BCORL1: variants seen among roughly 807,000 people sequenced by gnomAD.
BCORL1 encodes BCL6 corepressor like 1.
BCORL1 carries 7 observed loss-of-function variants against 87.6 expected under a neutral mutation model. That is an observed-to-expected ratio of 0.08 (90% confidence interval 0.05 to 0.15). BCORL1 has a LOEUF of 0.15. BCORL1 is among the 10% of genes least tolerant of loss of function. BCORL1 has a pLI of 1.00. For synonymous variants in BCORL1, 591 were observed against 634.4 expected (o/e 0.93, Z 1.03); for missense variants, 1,215 against 1,499.7 (o/e 0.81, Z 3.13).
chrX:130,013,587 C>T lies in BCORL1; in HGVS notation c.815C>T (p.Ser272Leu), dbSNP rs1263318954. ...PPSVPTLISD[S>L]NPLSVSASVL... ...TCAGTGCCCACGCTCATCTCTGACTCGAACCCCCTTTCTGTTTCGGCCTCA... is the reference window on the plus strand; with the variant it reads ...TCAGTGCCCACGCTCATCTCTGACTTGAACCCCCTTTCTGTTTCGGCCTCA... Residue 272 changes from serine to leucine, a missense_variant, in exon 4 of 14, where the codon TCG becomes TTG. This residue lies in a region of BCORL1 where 861 missense variants were observed against 1,010.0 expected (regional missense o/e 0.85). Coordinates refer to ENST00000540052, the MANE Select transcript of BCORL1 (RefSeq NM_001379451.1). 2.5e-6 allele frequency: 3 copies of T among 1,211,329 alleles called. No individual in the cohort carries two copies. The highest frequency in any genetic ancestry group is 1.8e-5 in the South Asian group (1 of 56,911).
At chrX:129,981,935 A>T (rs1309069258), upstream of BCORL1, among the ~76,000 whole-genome samples, 1 of 24,094 alleles carries the variant, frequency 4.2e-5, no homozygotes, top group Non-Finnish European at 7.5e-5. Flanking sequence ...TGGGGGGGGG[A>T]GCGGGAAGAA....
chrX:129,986,098 G>T (rs781005188), intron 1 of BCORL1, among the ~76,000 whole-genome samples: 1 of 111,655 alleles, frequency 9.0e-6, no homozygotes, highest in African/African-American at 3.3e-5. Context: ...TGATCCATCC[G>T]GCCCAGTTTA....
intron 9 of BCORL1, among the ~76,000 whole-genome samples, chrX:130,037,015 G>A (rs917870653): frequency 1.8e-5 from 2 of 110,992 alleles, no homozygotes; most frequent in Non-Finnish European, 1.9e-5. Context: ...GCGTGGTGGC[G>A]TGCGCCTGTA....
At chrX:130,026,038 C>T (rs940819171) in intron 7 of BCORL1, among the ~76,000 whole-genome samples, 2 of 111,617 alleles carry the variant, frequency 1.8e-5, no homozygotes, top group Admixed American at 9.5e-5. Flanking sequence ...TATACCATTC[C>T]GGAGGCACAG....
At chrX:129,995,516 C>T (rs947226531) in intron 1 of BCORL1, among the ~76,000 whole-genome samples, 2 of 111,501 alleles carry the variant, frequency 1.8e-5, no homozygotes, top group Non-Finnish European at 3.8e-5. Context: ...TCTTGGCTCA[C>T]TGCAACCTTT....
At chrX:129,984,238 C>T (rs1214508871) in intron 1 of BCORL1, among the ~76,000 whole-genome samples, 22 of 105,894 alleles carry the variant, frequency 2.1e-4, no homozygotes, top group Non-Finnish European at 4.1e-4. Context: ...CCGCCGCCGC[C>T]GCCGCTTCTG....
At chrX:129,988,293 AT>A (rs1288597430) in intron 1 of BCORL1, among the ~76,000 whole-genome samples, 1 of 111,871 alleles carries the variant, frequency 8.9e-6, no homozygotes, top group Non-Finnish European at 1.9e-5. Flanking sequence ...CTTAAAAGCA[AT>A]CTTTTATGAT....
chrX:129,985,036 G>A (rs953382475), intron 1 of BCORL1, among the ~76,000 whole-genome samples: 2 of 111,085 alleles, frequency 1.8e-5, no homozygotes, highest in Non-Finnish European at 3.8e-5. Flanking sequence ...TGTTAAGGCA[G>A]TTTGGAGGTC....
rs1441285975 is a variant in BCORL1, at chrX:129,997,801, A to G, written c.-44-7387A>G. Among the ~76,000 whole-genome samples, 4 of 104,823 alleles carry G rather than the reference A, an allele frequency of 3.8e-5. No homozygotes were observed. The East Asian group carries it at 1.2e-3, about 31-fold the overall frequency. The allele number at this position is 104,823 out of a possible 115,157, so 91.0% of individuals were successfully genotyped here. On this transcript the variant is annotated intron_variant, in intron 1 of 13. Transcript: ENST00000540052. Reference sequence around the variant, plus strand: ...AGCGAGACTCCGACTCACCAAAAAAAAAAAAAAAAAAAAAAAGTTATTGCT... The same window carrying G: ...AGCGAGACTCCGACTCACCAAAAAAGAAAAAAAAAAAAAAAAGTTATTGCT...
At chrX:130,033,445 C>G (rs759058495) in intron 8 of BCORL1, among the ~76,000 whole-genome samples, 1 of 112,354 alleles carries the variant, frequency 8.9e-6, no homozygotes, top group East Asian at 2.8e-4. Flanking sequence ...AGTTCATTAT[C>G]TCAAAGACCC....
At chrX:130,043,773 TATATATA>T (rs1441208516) in intron 11 of BCORL1, among the ~76,000 whole-genome samples, 4 of 23,304 alleles carry the variant, frequency 1.7e-4, no homozygotes, top group African/African-American at 1.1e-3. Flanking sequence ...TATATATATA[TATATATA>T]TATATTTTTT....
chrX:130,040,078 T>A (rs963326906), intron 11 of BCORL1, among the ~76,000 whole-genome samples: 10 of 112,471 alleles, frequency 8.9e-5, no homozygotes, highest in Non-Finnish European at 1.9e-4. Flanking sequence ...TGGCCCTTGC[T>A]CTAGCAGTGA....
intron 5 of BCORL1, 165 bp downstream of exon 5, chrX:130,021,315 C>T (rs1929791638): frequency 2.7e-6 from 2 of 752,057 alleles, no homozygotes; most frequent in Non-Finnish European, 1.6e-6. Context: ...CTAAGGTGAG[C>T]GAGCAAGGAT....
In BCORL1 at chrX:130,039,299, C is replaced by T. The variant is rs1351005048; in HGVS notation, c.4840+17C>T. 8.3e-7 allele frequency: 1 copy of T among 1,204,038 alleles called. No homozygotes were observed. The highest frequency in any genetic ancestry group is 1.7e-5 in the African/African-American group (1 of 57,334). On this transcript the variant is annotated intron_variant, in intron 11 of 13. Transcript: ENST00000540052. ...TTCTCAGTGGTAAGCATGGTCCAGA[C>T]TTGACACTGTTGTCCTTGGGGCCAG...
intron 2 of BCORL1, among the ~76,000 whole-genome samples, chrX:130,008,389 G>A (rs1408512364): frequency 9.1e-6 from 1 of 109,727 alleles, no homozygotes; most frequent in Admixed American, 9.8e-5. Flanking sequence ...TCAGCCTCCC[G>A]AGTAGCTGGG....
intron 3 of BCORL1, 73 bp from the exon 4 acceptor site, chrX:130,012,877 C>T (rs1929072776): frequency 1.7e-6 from 2 of 1,146,582 alleles, no homozygotes; most frequent in Admixed American, 2.6e-5. Flanking sequence ...CAGCAGTTGC[C>T]TCTCGGGCCT....
Position 130,043,749 on chromosome X carries a change from TA to T in BCORL1, c.4840+4468del, listed in dbSNP as rs1569388258. On this transcript the variant is annotated intron_variant, in intron 11 of 13. Transcript: ENST00000540052. ...GCCACCATGCCCAGCTAATTTGTTA[TA>T]TATATATATATATATATATATATAT... Among the ~76,000 whole-genome samples, 92 of 13,536 alleles carry T rather than the reference TA, an allele frequency of 6.8e-3. 9 individuals are homozygous for T. Among genetic ancestry groups the T allele is most frequent in the African/African-American group, 0.024 (86 of 3,562 alleles). 11.8% of individuals were successfully genotyped at this position (13,536 alleles called of 115,157 possible).
intron 2 of BCORL1, among the ~76,000 whole-genome samples, chrX:130,006,261 C>G (rs1372347294): frequency 9.0e-6 from 1 of 111,637 alleles, no homozygotes; most frequent in Admixed American, 9.5e-5. Flanking sequence ...TGATCATGCC[C>G]CATACCCAAA....
In BCORL1 at chrX:130,022,996, A is replaced by G; in HGVS notation, c.3688+19A>G. On this transcript the variant is annotated intron_variant, in intron 6 of 13. Coordinates refer to ENST00000540052, the MANE Select transcript of BCORL1 (RefSeq NM_001379451.1). Reference sequence around the variant, plus strand: ...CAGTCTGGTGAGTGAGACTAAGGTGATGGCCCCTCTCAGCATCTTCTATGA... The same window carrying G: ...CAGTCTGGTGAGTGAGACTAAGGTGGTGGCCCCTCTCAGCATCTTCTATGA... 1 of 1,157,424 alleles carries G rather than the reference A, an allele frequency of 8.6e-7. No homozygotes were observed. Among genetic ancestry groups the G allele is most frequent in the Non-Finnish European group, 1.2e-6 (1 of 846,354 alleles).
Sources: allele counts gnomAD v4.1 joint callset (sites outside exome capture counted in the v4.1 genomes callset), GRCh38; gene constraint gnomAD v4.1.1; regional missense constraint gnomAD v4.1.1; transcripts MANE v1.5; gene names NCBI Gene and HGNC (gene_info 2026-07-23, HGNC 2026-07-21).